WWOX: variants seen among roughly 807,000 people sequenced by gnomAD.
The protein encoded by WWOX is WW domain containing oxidoreductase.
In WWOX, 69 loss-of-function variants were observed where a neutral mutation model predicts 46.2. The observed-to-expected ratio is 1.49, with a 90% confidence interval of 1.23 to 1.82. WWOX has a LOEUF of 1.82. Ranked by LOEUF, WWOX falls within the 40% of genes most tolerant of loss-of-function variation. The probability of loss-of-function intolerance (pLI) is 0.00; values close to 1 mark genes in which losing one functional copy is unlikely to be tolerated. For missense variants in WWOX, 919 were observed against 542.6 expected, an observed-to-expected ratio of 1.69 and a Z score of -6.89; for synonymous variants, 359 against 202.6, an observed-to-expected ratio of 1.77 and a Z score of -6.56.
chr16:78,257,561 G>A (rs766919838), intron 5 of WWOX, among the ~76,000 whole-genome samples: 34 of 152,096 alleles, frequency 2.2e-4, no homozygotes, highest in Non-Finnish European at 4.3e-4. Flanking sequence ...GAGCTCCGTG[G>A]GAGGCACTGC....
At chr16:78,888,990 C>G (rs1319689697) in intron 8 of WWOX, among the ~76,000 whole-genome samples, 2 of 152,032 alleles carry the variant, frequency 1.3e-5, no homozygotes, top group Non-Finnish European at 2.9e-5. Context: ...GTCAGTCCTC[C>G]TCACCACCTC....
intron 8 of WWOX, among the ~76,000 whole-genome samples, chr16:78,788,016 A>G (rs968432164): frequency 4.6e-5 from 7 of 152,146 alleles, no homozygotes; most frequent in African/African-American, 1.4e-4. Context: ...GTTGAGTTGT[A>G]AAAGTTGTTT....
chr16:78,666,920 C>G (rs1026813149), intron 8 of WWOX, among the ~76,000 whole-genome samples: 3 of 152,198 alleles, frequency 2.0e-5, no homozygotes, highest in African/African-American at 7.2e-5. Flanking sequence ...TCCCAAGACA[C>G]TGTTGATGTC....
At chr16:78,141,166 A>C (rs1489697314) in intron 4 of WWOX, among the ~76,000 whole-genome samples, 1 of 152,234 alleles carries the variant, frequency 6.6e-6, no homozygotes, top group Non-Finnish European at 1.5e-5. Flanking sequence ...AAAGGTGTTT[A>C]AGCATAGCTT....
chr16:78,704,085 C>A (rs1383834805), intron 8 of WWOX, among the ~76,000 whole-genome samples: 2 of 151,958 alleles, frequency 1.3e-5, no homozygotes, highest in Non-Finnish European at 2.9e-5. Context: ...TTTCAATTCA[C>A]TAGATGTTGT....
chr16:78,983,990 G>A (rs924587904), intron 8 of WWOX, among the ~76,000 whole-genome samples: 1 of 141,706 alleles, frequency 7.1e-6, no homozygotes, highest in East Asian at 2.1e-4. Context: ...CTATTCTCCT[G>A]CCTCAGCCTC....
chr16:79,177,261 G>A (rs1183028537), intron 8 of WWOX, among the ~76,000 whole-genome samples: 5 of 152,282 alleles, frequency 3.3e-5, no homozygotes, highest in Admixed American at 1.3e-4. Context: ...CGACTGAAAA[G>A]CGACTGTCAT....
At chr16:79,061,199 C>G (rs1024517767) in intron 8 of WWOX, among the ~76,000 whole-genome samples, 3 of 152,192 alleles carry the variant, frequency 2.0e-5, no homozygotes, top group African/African-American at 4.8e-5. Context: ...GAAAGCCTGA[C>G]TTGACTGCCT....
chr16:78,872,409 T>C (rs1440221979), intron 8 of WWOX, among the ~76,000 whole-genome samples: 1 of 152,194 alleles, frequency 6.6e-6, no homozygotes, highest in Non-Finnish European at 1.5e-5. Context: ...AGCCATCTTT[T>C]TTTAAAGAAG....
chr16:78,492,952 A>G (rs1163032429), intron 8 of WWOX, among the ~76,000 whole-genome samples: 1 of 152,174 alleles, frequency 6.6e-6, no homozygotes, highest in Non-Finnish European at 1.5e-5. Flanking sequence ...TGCTTAGCAT[A>G]CTACTCCAAG....
chr16:78,975,458 C>G (rs373006180), intron 8 of WWOX, among the ~76,000 whole-genome samples: 4 of 144,018 alleles, frequency 2.8e-5, no homozygotes, highest in African/African-American at 1.0e-4. Flanking sequence ...GTTCCCCAAC[C>G]TTTTTTTTTT....
At chr16:79,146,515 A>G (rs2050185545) in intron 8 of WWOX, among the ~76,000 whole-genome samples, 1 of 152,148 alleles carries the variant, frequency 6.6e-6, no homozygotes, top group African/African-American at 2.4e-5. Context: ...TCATAACTAT[A>G]TTACAGTTTG....
chr16:78,483,001 G>T (rs1432984671), intron 8 of WWOX, among the ~76,000 whole-genome samples: 1 of 152,132 alleles, frequency 6.6e-6, no homozygotes, highest in Non-Finnish European at 1.5e-5. Context: ...TTTAAGAAAA[G>T]GAGTCAAACA....
intron 8 of WWOX, among the ~76,000 whole-genome samples, chr16:79,150,762 C>T (rs2150731802): frequency 6.6e-6 from 1 of 152,278 alleles, no homozygotes; most frequent in East Asian, 1.9e-4. Context: ...CCCCTTTGGC[C>T]TCCTGGGTAG....
intron 5 of WWOX, among the ~76,000 whole-genome samples, chr16:78,214,322 T>G (rs894208698): frequency 2.6e-5 from 3 of 114,058 alleles, no homozygotes; most frequent in Admixed American, 9.6e-5. Flanking sequence ...GAACTTCAAT[T>G]ATCTCATCTG....
intron 8 of WWOX, among the ~76,000 whole-genome samples, chr16:78,941,643 A>G (rs1246869162): frequency 6.6e-6 from 1 of 152,116 alleles, no homozygotes; most frequent in African/African-American, 2.4e-5. Context: ...AAAATAGAGC[A>G]TTTGTTATTC....
chr16:78,853,875 G>A (rs11150108), intron 8 of WWOX, among the ~76,000 whole-genome samples: 116,284 of 152,054 alleles, frequency 0.76, 45,245 homozygotes, highest in Middle Eastern at 0.88. Flanking sequence ...CTGACTGTCT[G>A]TCTGTCATAT....
chr16:79,163,293 C>T (rs76732011), intron 8 of WWOX, among the ~76,000 whole-genome samples: 119 of 152,216 alleles, frequency 7.8e-4, no homozygotes, highest in African/African-American at 2.6e-3. Flanking sequence ...GTTAAACATC[C>T]AAGCATTGAA....
intron 8 of WWOX, among the ~76,000 whole-genome samples, chr16:79,147,048 C>G (rs1268078349): frequency 2.6e-5 from 4 of 152,202 alleles, no homozygotes; most frequent in Admixed American, 2.6e-4. Flanking sequence ...AGTGTTGACA[C>G]TTACAGAATC....
Sources: gnomAD v4.1 joint callset for allele counts (sites outside exome capture counted in the v4.1 genomes callset) on GRCh38, gnomAD v4.1.1 for gene constraint, MANE v1.5 for transcripts, NCBI Gene and HGNC (gene_info 2026-07-23, HGNC 2026-07-21) for gene names.